RBM44: variants seen among roughly 807,000 people sequenced by gnomAD.
RBM44 encodes the protein RNA binding motif protein 44.
RBM44 carries 66 observed loss-of-function variants against 105.1 expected under a neutral mutation model. The observed-to-expected ratio is 0.63, with a 90% CI of 0.52 to 0.77. The LOEUF (loss-of-function observed/expected upper bound fraction) is 0.77. Among genes scored for constraint, RBM44 ranks in the 30% least tolerant of loss-of-function variants. The pLI is 0.00. For synonymous variants in RBM44, 365 were observed against 417.6 expected (o/e 0.87, Z 1.54); for missense variants, 1,122 against 1,207.8 (o/e 0.93, Z 1.05).
At chr2:237,813,552 T>A (rs2061680888) in intron 1 of RBM44, 40 bp from the exon 2 acceptor site, 3 of 1,089,872 alleles carry the variant, frequency 2.8e-6, no homozygotes, top group Admixed American at 4.0e-5. Context: ...ATTTATGCTT[T>A]TTAAGTATAA....
intron 2 of RBM44, among the ~76,000 whole-genome samples, chr2:237,815,828 C>G (rs1336902405): frequency 6.6e-6 from 1 of 152,004 alleles, no homozygotes; most frequent in Non-Finnish European, 1.5e-5. Flanking sequence ...CCAGTCTCTT[C>G]TTTAGTCCCA....
At chr2:237,810,524 C>G (rs1284338249) in intron 1 of RBM44, among the ~76,000 whole-genome samples, 2 of 152,088 alleles carry the variant, frequency 1.3e-5, no homozygotes, top group African/African-American at 2.4e-5. Context: ...AGAAGTATTC[C>G]TTTGTTACTG....
chr2:237,811,738 C>A (rs186173014), intron 1 of RBM44, among the ~76,000 whole-genome samples: 1 of 149,582 alleles, frequency 6.7e-6, no homozygotes. Context: ...TTAAAATTAT[C>A]CTTCAGTGGC....
intron 10 of RBM44, among the ~76,000 whole-genome samples, chr2:237,825,778 T>C (rs1236087628): frequency 6.6e-6 from 1 of 152,200 alleles, no homozygotes; most frequent in African/African-American, 2.4e-5. Context: ...CTGATTCTTA[T>C]TTACCCTTTT....
At chr2:237,806,669 G>A (rs2061602076) in intron 1 of RBM44, among the ~76,000 whole-genome samples, 1 of 152,224 alleles carries the variant, frequency 6.6e-6, no homozygotes, top group Admixed American at 6.5e-5. Flanking sequence ...CAGTGTTCCT[G>A]AGAGAAGGGA....
chr2:237,799,897 T>C (rs2061528316), intron 1 of RBM44, among the ~76,000 whole-genome samples: 6 of 151,850 alleles, frequency 4.0e-5, no homozygotes, highest in Admixed American at 3.9e-4. Flanking sequence ...CAAGGGCGAG[T>C]CCTGTGGTTT....
At chr2:237,813,810 T>C (rs1576501692) in intron 2 of RBM44, 128 bp downstream of exon 2, 1 of 613,936 alleles carries the variant, frequency 1.6e-6, no homozygotes, top group African/African-American at 1.9e-5. Context: ...AGACTCAGTA[T>C]ATTTTTAACT....
intron 13 of RBM44, among the ~76,000 whole-genome samples, chr2:237,832,205 G>A (rs1211827782): frequency 6.6e-6 from 1 of 150,650 alleles, no homozygotes; most frequent in Non-Finnish European, 1.5e-5. Flanking sequence ...CCCAGGCTGG[G>A]GTGCAGTGGC....
chr2:237,838,768 G>A (rs2061982796), intron 15 of RBM44, among the ~76,000 whole-genome samples: 1 of 152,162 alleles, frequency 6.6e-6, no homozygotes, highest in Non-Finnish European at 1.5e-5. Context: ...AAGGGAAAAG[G>A]TACATAAGGT....
At position 237,813,698 on chromosome 2, in the gene RBM44, A is replaced by G; in HGVS notation, c.73+16A>G. On this transcript the variant is annotated intron_variant, in intron 2 of 15. Coordinates refer to ENST00000316997, the MANE Select transcript of RBM44 (RefSeq NM_001080504.3). ...CTCCAAAAAGGTAAGGGTCTAGTCC[A>G]CTTACCCTTATTCTTGGTGGGGAAG... The G allele has an allele frequency of 6.6e-7, 1 of 1,515,320 alleles. No individual in the cohort carries two copies. The highest frequency in any genetic ancestry group is 9.2e-7 in the Non-Finnish European group (1 of 1,090,712). 93.9% of individuals were successfully genotyped at this position (1,515,320 alleles called of 1,614,324 possible).
At position 237,817,111 on chromosome 2, in the gene RBM44, T is replaced by C. The variant is rs1465381237; in HGVS notation, c.192T>C (p.Asn64=). Residue 64 remains asparagine (N), a synonymous_variant, in exon 3 of 16, where the codon AAT becomes AAC. Transcript: ENST00000316997. Reference sequence around the variant, plus strand: ...CTTCGACACTAGAGCAAAGAGCTAATAATAAAGAAATCAGCAATATTGACA... The same window carrying C: ...CTTCGACACTAGAGCAAAGAGCTAACAATAAAGAAATCAGCAATATTGACA... ...WNSSTLEQRA[N]NKEISNIDKM... 6.2e-7 allele frequency: 1 copy of C among 1,609,406 alleles called. No homozygotes were observed. The highest frequency in any genetic ancestry group is 8.5e-7 in the Non-Finnish European group (1 of 1,178,306).
rs1322722078 is a variant in RBM44 at position 237,829,207 on chromosome 2, T to C, written c.2601-10T>C. ...TAACAACCTTTTGGTTTTCTGCTCTTATGTTTTAGATATGCATCTCTTGCT... is the reference window on the plus strand; with the variant it reads ...TAACAACCTTTTGGTTTTCTGCTCTCATGTTTTAGATATGCATCTCTTGCT... On this transcript the variant is annotated splice_polypyrimidine_tract_variant and intron_variant, in intron 12 of 15. Transcript: ENST00000316997. 4 of 1,590,568 alleles carry C rather than the reference T, an allele frequency of 2.5e-6. No homozygotes were observed. Among genetic ancestry groups the C allele is most frequent in the Non-Finnish European group, 2.6e-6 (3 of 1,168,882 alleles).
intron 1 of RBM44, among the ~76,000 whole-genome samples, chr2:237,807,219 G>A (rs2061608388): frequency 6.6e-6 from 1 of 152,156 alleles, no homozygotes; most frequent in South Asian, 2.1e-4. Flanking sequence ...TGCAATCTTG[G>A]CTCACTGCAA....
At chr2:237,827,180 T>C in intron 10 of RBM44, 70 bp from the exon 11 acceptor site, 1 of 851,382 alleles carries the variant, frequency 1.2e-6, no homozygotes, top group Non-Finnish European at 1.9e-6. Flanking sequence ...TATTTAACAG[T>C]GTTCACATTT....
rs2061769562 is a variant in RBM44, at chr2:237,820,212, C to A, written c.1774C>A (p.Pro592Thr). The change falls in exon 5 of 16, where the codon CCA becomes ACA. Residue 592 changes from proline (P) to threonine (T), a missense_variant. Pro to Thr is a conservative substitution (Grantham distance 38, BLOSUM62 -1). This residue lies in a region of RBM44 where 918 missense variants were observed against 955.3 expected (regional missense o/e 0.96). Coordinates refer to ENST00000316997, the MANE Select transcript of RBM44 (RefSeq NM_001080504.3). ...TTTTAAAGATACAGAGAAGGATTTG[C>A]CATCAATGTGCTGTCAGAAGATAAT... is the stretch of plus-strand genomic sequence containing the variant. ...QLFKDTEKDL[P>T]SMCCQKIMQR... 3.8e-6 allele frequency: 6 copies of A among 1,565,248 alleles called. No homozygotes were observed. In the South Asian group the frequency reaches 6.0e-5, roughly 16 times the overall value.
chr2:237,805,695 T>A (rs1559905408), intron 1 of RBM44, among the ~76,000 whole-genome samples: 1 of 152,242 alleles, frequency 6.6e-6, no homozygotes, highest in Non-Finnish European at 1.5e-5. Flanking sequence ...CCAGGTGCAG[T>A]GGCTCAGGCC....
chr2:237,812,805 A>C (rs956455651), intron 1 of RBM44, among the ~76,000 whole-genome samples: 1 of 152,080 alleles, frequency 6.6e-6, no homozygotes, highest in Non-Finnish European at 1.5e-5. Flanking sequence ...TCATGTGTCC[A>C]TTGGGATATT....
intron 10 of RBM44, among the ~76,000 whole-genome samples, chr2:237,826,898 G>T (rs1340965028): frequency 2.0e-5 from 3 of 152,056 alleles, no homozygotes; most frequent in African/African-American, 7.2e-5. Context: ...TTACATAAGG[G>T]ACTTGAGCAT....
intron 1 of RBM44, among the ~76,000 whole-genome samples, chr2:237,802,604 A>T (rs2061556642): frequency 6.6e-6 from 1 of 152,194 alleles, no homozygotes; most frequent in Non-Finnish European, 1.5e-5. Context: ...ATATCAGGTA[A>T]GTTTGGGAAA....
Sources: allele counts gnomAD v4.1 joint callset (sites outside exome capture counted in the v4.1 genomes callset), GRCh38; gene constraint gnomAD v4.1.1; regional missense constraint gnomAD v4.1.1; transcripts MANE v1.5; gene names NCBI Gene and HGNC (gene_info 2026-07-23, HGNC 2026-07-21).